Variants in HECW2 observed in about 807,000 individuals in gnomAD.
HECW2 encodes the protein HECT, C2 and WW domain containing E3 ubiquitin protein ligase 2, also known as E3 ubiquitin-protein ligase HECW2.
Under a neutral mutation model 175.2 loss-of-function variants are expected in HECW2, and 61 were observed. The observed-to-expected ratio is 0.35, with a 90% CI of 0.28 to 0.43. The LOEUF is 0.43. Ranked by LOEUF, HECW2 falls within the 20% of genes least tolerant of loss-of-function variation. The probability of loss-of-function intolerance (pLI) is 1.00; values close to 1 mark genes in which losing one functional copy is unlikely to be tolerated. For synonymous variants in HECW2, 671 were observed against 731.0 expected, an observed-to-expected ratio of 0.92 and a Z score of 1.32; for missense variants, 1,524 against 2,000.5, an observed-to-expected ratio of 0.76 and a Z score of 4.54.
In HECW2 at chr2:196,307,193, C is replaced by G. The variant is rs755578560; in HGVS notation, c.2626G>C (p.Glu876Gln). The change falls in exon 12 of 29, where the codon GAG becomes CAG. Residue 876 changes from glutamate to glutamine, a missense_variant. Glu to Gln is a conservative substitution (Grantham distance 29, BLOSUM62 2). Coordinates refer to ENST00000644978, the MANE Select transcript of HECW2 (RefSeq NM_001348768.2). ...CCATCAATAGCATTGGTATTTTCCT[C>G]AGGCCTCTCATTGGTCATGGTTCTG... The part of the protein sequence containing the change: ...IRRTMTNERP[E>Q]ENTNAIDGAG... 6.2e-7 allele frequency: 1 copy of G among 1,613,988 alleles called. No homozygotes were observed. The highest frequency in any genetic ancestry group is 1.1e-5 in the South Asian group (1 of 91,082).
chr2:196,459,278 G>A (rs1207511867), intron 1 of HECW2, among the ~76,000 whole-genome samples: 2 of 152,192 alleles, frequency 1.3e-5, no homozygotes, highest in Non-Finnish European at 2.9e-5. Context: ...GATGGGAGAT[G>A]TAGACTATGA....
In HECW2 at chr2:196,593,502, C is replaced by T. The variant is rs1691290947; in HGVS notation, c.-36+6G>A. ...CCGCGGAGAGCGAAGAGTCCGGCCT[C>T]CTCACCTCCAGCCGCGCCGGCGCCC... On this transcript the variant is annotated splice_donor_region_variant and intron_variant, in intron 1 of 28. Coordinates refer to ENST00000644978, the MANE Select transcript of HECW2 (RefSeq NM_001348768.2). The T allele has an allele frequency of 1.3e-5, 2 of 152,256 alleles. No individual in the cohort carries two copies. Among genetic ancestry groups the T allele is most frequent in the African/African-American group, 4.8e-5 (2 of 41,452 alleles). The allele number at this position is 152,256 out of a possible 1,614,324, so 9.4% of individuals were successfully genotyped here. A position where few individuals can be genotyped will look rare whatever the true frequency, so the allele number is the denominator to read the frequency against.
rs185454763 is a variant in HECW2, at chr2:196,255,235, G to A, written c.3420-1206C>T. The stretch of plus-strand genomic sequence containing the variant: ...CGATCTCCTGACCTCATCATGATCC[G>A]CCTGCCTCGGCATCCCAAAGTGCTG... On this transcript the variant is annotated intron_variant, in intron 18 of 28. Coordinates refer to ENST00000644978, the MANE Select transcript of HECW2 (RefSeq NM_001348768.2). 8.7e-3 allele frequency among the ~76,000 whole-genome samples: 1,175 copies of A among 134,314 alleles called. 28 individuals carry two copies. The highest frequency in any genetic ancestry group is 5.3e-3 in the Non-Finnish European group (343 of 65,004). 88.1% of individuals were successfully genotyped at this position (134,314 alleles called of 152,430 possible). A position where few individuals can be genotyped will look rare whatever the true frequency, so the allele number is the denominator to read the frequency against.
intron 15 of HECW2, 116 bp downstream of exon 15, chr2:196,278,412 A>T: frequency 8.6e-7 from 1 of 1,160,594 alleles, no homozygotes; most frequent in Non-Finnish European, 1.2e-6. Flanking sequence ...TCTAAATCAA[A>T]CTCAAAAAAA....
intron 1 of HECW2, among the ~76,000 whole-genome samples, chr2:196,521,282 CAAAAAAAA>C (rs1158051512): frequency 0.077 from 4,111 of 53,736 alleles, 143 homozygotes; most frequent in African/African-American, 0.2. Flanking sequence ...ACGTGAGTAA[CAAAAAAAA>C]AAAAAAAAAA....
At position 196,253,951 on chromosome 2, in the gene HECW2, G is replaced by A. The variant is rs1311055022; in HGVS notation, c.3498C>T (p.Gly1166=). Residue 1166 remains glycine, a synonymous_variant, in exon 19 of 29, where the codon GGC becomes GGT. Transcript: ENST00000644978. ...LHPSYCQSPR[G]SPVSSPQNSP... ...AGTTCTGAGGAGATGACACGGGAGA[G>A]CCACGTGGGGACTGACAGTAGCTGG... 2 of 1,614,044 alleles carry A rather than the reference G, an allele frequency of 1.2e-6. No individual in the cohort carries two copies. The highest frequency in any genetic ancestry group is 2.2e-5 in the East Asian group (1 of 44,876).
intron 2 of HECW2, among the ~76,000 whole-genome samples, chr2:196,413,081 G>A (rs574939259): frequency 5.3e-5 from 8 of 152,330 alleles, no homozygotes; most frequent in African/African-American, 1.9e-4. Flanking sequence ...AGCTGGGCAT[G>A]ATAGCTCTCT....
intron 1 of HECW2, among the ~76,000 whole-genome samples, chr2:196,545,401 G>T (rs1689376563): frequency 1.3e-5 from 2 of 152,256 alleles, no homozygotes; most frequent in Middle Eastern, 6.8e-3. Context: ...AAGCCCAACG[G>T]GAGAGCAGAA....
intron 19 of HECW2, among the ~76,000 whole-genome samples, chr2:196,245,063 G>A (rs756673245): frequency 6.6e-6 from 1 of 152,204 alleles, no homozygotes; most frequent in East Asian, 1.9e-4. Context: ...AGCCTGAGGG[G>A]ATAAGGACTA....
intron 1 of HECW2, among the ~76,000 whole-genome samples, chr2:196,574,612 G>C (rs1369275325): frequency 2.0e-5 from 3 of 152,060 alleles, no homozygotes; most frequent in Non-Finnish European, 4.4e-5. Flanking sequence ...TACACAAAAT[G>C]ATCTACAGAT....
intron 2 of HECW2, among the ~76,000 whole-genome samples, chr2:196,390,488 G>T (rs1694473953): frequency 6.6e-6 from 1 of 152,178 alleles, no homozygotes; most frequent in Non-Finnish European, 1.5e-5. Context: ...AAAAGTCGCT[G>T]CATGGAAAAC....
chr2:196,532,527 A>G (rs1376130833), intron 1 of HECW2, among the ~76,000 whole-genome samples: 1 of 152,192 alleles, frequency 6.6e-6, no homozygotes, highest in Non-Finnish European at 1.5e-5. Flanking sequence ...TACCTAATGT[A>G]GGTGACGGGT....
At chr2:196,435,200 A>G (rs773543340) in intron 1 of HECW2, among the ~76,000 whole-genome samples, 1 of 152,238 alleles carries the variant, frequency 6.6e-6, no homozygotes, top group Non-Finnish European at 1.5e-5. Flanking sequence ...TTTAAATCCC[A>G]TATCTCTCTT....
chr2:196,476,142 CA>C (rs60181654), intron 1 of HECW2, among the ~76,000 whole-genome samples: 15,605 of 144,176 alleles, frequency 0.11, 1,092 homozygotes, highest in African/African-American at 0.21. Flanking sequence ...GTTTCCTCAT[CA>C]AAAAAAAAAA....
At chr2:196,527,461 G>A (rs943133330) in intron 1 of HECW2, among the ~76,000 whole-genome samples, 1 of 152,204 alleles carries the variant, frequency 6.6e-6, no homozygotes, top group Admixed American at 6.5e-5. Flanking sequence ...GCTGGGAGCT[G>A]TAGACCGGAG....
Position 196,524,724 on chromosome 2 carries a change from T to A in HECW2, c.-36+68784A>T, listed in dbSNP as rs1688567564. Among the ~76,000 whole-genome samples, 4 of 121,872 alleles carry A rather than the reference T, an allele frequency of 3.3e-5. 1 individual carries two copies. In the South Asian group the frequency reaches 1.0e-3, roughly 31 times the overall value. The allele number at this position is 121,872 out of a possible 152,430, so 80.0% of individuals were successfully genotyped here. On this transcript the variant is annotated intron_variant, in intron 1 of 28. Coordinates refer to ENST00000644978, the MANE Select transcript of HECW2 (RefSeq NM_001348768.2). ...AGAACATCTTTATTTCTGCCTTCAT[T>A]TTGTTATGTACCCCGTAGTCATTCA... is the stretch of plus-strand genomic sequence containing the variant.
intron 1 of HECW2, among the ~76,000 whole-genome samples, chr2:196,472,906 C>A (rs573324110): frequency 6.6e-6 from 1 of 152,316 alleles, no homozygotes; most frequent in African/African-American, 2.4e-5. Context: ...CGGGCCGGAG[C>A]CACCGCACTC....
intron 2 of HECW2, among the ~76,000 whole-genome samples, chr2:196,412,451 T>C (rs1338092600): frequency 6.6e-6 from 1 of 152,186 alleles, no homozygotes; most frequent in Non-Finnish European, 1.5e-5. Flanking sequence ...CTTCAACATA[T>C]GAATTTGGGG....
At chr2:196,285,092 T>C (rs565747149) in intron 14 of HECW2, among the ~76,000 whole-genome samples, 42 of 152,356 alleles carry the variant, frequency 2.8e-4, no homozygotes, top group African/African-American at 8.9e-4. Context: ...TCAGGAAATA[T>C]GGGCTAGTTG....
Sources: gnomAD v4.1 joint callset for allele counts (sites outside exome capture counted in the v4.1 genomes callset) on GRCh38, gnomAD v4.1.1 for gene constraint, MANE v1.5 for transcripts, NCBI Gene and HGNC (gene_info 2026-07-23, HGNC 2026-07-21) for gene names.